The following MYZAP variants were observed in gnomAD, a reference collection of about 807,000 sequenced individuals.
MYZAP encodes myocardial zonula adherens protein.
A neutral mutation model predicts 69.4 loss-of-function variants in MYZAP; 66 were observed. The observed-to-expected ratio is 0.95, with a 90% CI of 0.78 to 1.17. The LOEUF is 1.17. MYZAP is among the 50% of genes most tolerant of loss of function. The probability of loss-of-function intolerance (pLI) is 0.00; values close to 1 mark genes in which losing one functional copy is unlikely to be tolerated. For synonymous variants in MYZAP, 256 were observed against 205.9 expected, an observed-to-expected ratio of 1.24 and a Z score of -2.09; for missense variants, 611 against 556.2, an observed-to-expected ratio of 1.10 and a Z score of -0.99.
chr15:57,659,372 GTAGA>G (rs1254919491), intron 10 of MYZAP, among the ~76,000 whole-genome samples: 4 of 152,024 alleles, frequency 2.6e-5, no homozygotes, highest in East Asian at 1.9e-4. Context: ...AGTTTTCTCA[GTAGA>G]TAGTGTAGAG....
intron 11 of MYZAP, among the ~76,000 whole-genome samples, chr15:57,662,410 C>G (rs1249847515): frequency 1.3e-5 from 2 of 152,152 alleles, no homozygotes; most frequent in African/African-American, 4.8e-5. Flanking sequence ...GTGTGTTGGG[C>G]ACTGTTAGTT....
chr15:57,629,900 C>A (rs1230080133), intron 6 of MYZAP, 46 bp downstream of exon 6: 9 of 1,581,900 alleles, frequency 5.7e-6, no homozygotes, highest in Non-Finnish European at 7.7e-6. Flanking sequence ...CTTTTCTCCT[C>A]TTTACTTCTC....
intron 1 of MYZAP, among the ~76,000 whole-genome samples, chr15:57,593,524 G>T (rs536376763): frequency 1.7e-4 from 26 of 152,284 alleles, no homozygotes; most frequent in African/African-American, 6.3e-4. Context: ...ATTAGTTGGG[G>T]TACCTAACCT....
At chr15:57,678,964 G>A (rs1259339708) in intron 12 of MYZAP, among the ~76,000 whole-genome samples, 2 of 152,074 alleles carry the variant, frequency 1.3e-5, no homozygotes, top group Non-Finnish European at 1.5e-5. Flanking sequence ...ATCACCTGAG[G>A]TTGGGAGTTT....
At chr15:57,630,341 T>C (rs1186574236) in intron 6 of MYZAP, among the ~76,000 whole-genome samples, 4 of 152,174 alleles carry the variant, frequency 2.6e-5, no homozygotes, top group African/African-American at 9.6e-5. Flanking sequence ...AAGGGCTCTT[T>C]AGACACTCAC....
chr15:57,617,966 G>A (rs937254), intron 2 of MYZAP, 67 bp from the exon 3 acceptor site: 650,269 of 1,539,032 alleles, frequency 0.42, 141,119 homozygotes, highest in Admixed American at 0.59. Context: ...CAGTGGGCCC[G>A]TTATTACAAC....
intron 4 of MYZAP, among the ~76,000 whole-genome samples, chr15:57,622,842 G>A (rs2035900931): frequency 6.6e-6 from 1 of 152,180 alleles, no homozygotes. Context: ...ACCATGAAAA[G>A]AAAGGCTGAT....
chr15:57,646,896 G>C (rs118068086), intron 10 of MYZAP: 26 of 985,290 alleles, frequency 2.6e-5, no homozygotes, highest in Non-Finnish European at 3.0e-5. Flanking sequence ...CATCCTTCAT[G>C]TATGTTTTAT....
intron 4 of MYZAP, among the ~76,000 whole-genome samples, chr15:57,624,434 A>T (rs553940513): frequency 6.6e-6 from 1 of 152,122 alleles, no homozygotes; most frequent in Admixed American, 6.5e-5. Context: ...AAATTTATCT[A>T]CCTAGCCCCT....
intron 2 of MYZAP, among the ~76,000 whole-genome samples, chr15:57,612,099 C>T (rs747928825): frequency 7.2e-5 from 11 of 152,206 alleles, no homozygotes; most frequent in East Asian, 3.8e-4. Context: ...AGCACATTCC[C>T]GAAGTGCCAG....
chr15:57,621,786 G>C (rs1337638762), intron 4 of MYZAP, 86 bp downstream of exon 4: 7 of 1,233,220 alleles, frequency 5.7e-6, no homozygotes, highest in Non-Finnish European at 8.1e-6. Context: ...AAAGATATTA[G>C]AGTATCTAGT....
chr15:57,609,147 T>A (rs1008776789), intron 2 of MYZAP, among the ~76,000 whole-genome samples: 3 of 152,106 alleles, frequency 2.0e-5, no homozygotes, highest in African/African-American at 7.2e-5. Flanking sequence ...AGAAATGAGG[T>A]TGAGTCTTTT....
chr15:57,606,637 A>C (rs965984532), intron 2 of MYZAP, among the ~76,000 whole-genome samples: 1 of 152,068 alleles, frequency 6.6e-6, no homozygotes, highest in Non-Finnish European at 1.5e-5. Context: ...TAAATGACGA[A>C]TTAATGGGTG....
intron 4 of MYZAP, among the ~76,000 whole-genome samples, chr15:57,622,433 A>G (rs1241664033): frequency 6.6e-6 from 1 of 152,156 alleles, no homozygotes; most frequent in African/African-American, 2.4e-5. Context: ...GTTTATATAG[A>G]AAATAAATAA....
At chr15:57,593,216 C>CCCCCCCT (rs1487161671) in intron 1 of MYZAP, among the ~76,000 whole-genome samples, 26 of 60,078 alleles carry the variant, frequency 4.3e-4, no homozygotes, top group African/African-American at 1.8e-3. Flanking sequence ...ACACACACAC[C>CCCCCCCT]CCAGAATCCA....
chr15:57,608,989 G>T (rs2034935461), intron 2 of MYZAP, among the ~76,000 whole-genome samples: 1 of 152,126 alleles, frequency 6.6e-6, no homozygotes, highest in Non-Finnish European at 1.5e-5. Flanking sequence ...TGCTGGGGTG[G>T]TCACTCTTCC....
intron 11 of MYZAP, among the ~76,000 whole-genome samples, chr15:57,672,480 G>A (rs887079218): frequency 2.0e-5 from 3 of 151,524 alleles, no homozygotes; most frequent in Non-Finnish European, 4.4e-5. Context: ...ATGTACAGCT[G>A]TGAGTTGCAG....
chr15:57,674,895 A>G lies in MYZAP; in HGVS notation c.1204-73A>G, dbSNP rs773923349. On this transcript the variant is annotated intron_variant, in intron 11 of 12. Transcript: ENST00000267853. ...CATGGGGCAAAATCAGATAATACAT[A>G]TAAATTGTATCATGCATATTTGAGG... 1.6e-5 allele frequency: 21 copies of G among 1,309,752 alleles called. No homozygotes were observed. The East Asian group carries it at 4.7e-4, about 29-fold the overall frequency. 81.1% of individuals were successfully genotyped at this position (1,309,752 alleles called of 1,614,324 possible).
chr15:57,655,487 G>T (rs1281277477), intron 10 of MYZAP, among the ~76,000 whole-genome samples: 1 of 152,086 alleles, frequency 6.6e-6, no homozygotes, highest in African/African-American at 2.4e-5. Flanking sequence ...TGGTACCAGA[G>T]CACCTGTATT....
Sources: gnomAD v4.1 joint callset for allele counts (sites outside exome capture counted in the v4.1 genomes callset) on GRCh38, gnomAD v4.1.1 for gene constraint, MANE v1.5 for transcripts, NCBI Gene and HGNC (gene_info 2026-07-23, HGNC 2026-07-21) for gene names.